The following EYS variants were observed in gnomAD, a reference collection of about 807,000 sequenced individuals.
The protein encoded by EYS is protein eyes shut homolog.
Under a neutral mutation model 282.1 loss-of-function variants are expected in EYS, and 250 were observed. The observed-to-expected ratio is 0.89, with a 90% CI of 0.80 to 0.98. The LOEUF is 0.98. EYS is among the 50% of genes least tolerant of loss of function. The probability of loss-of-function intolerance (pLI) is 0.00; values close to 1 mark genes in which losing one functional copy is unlikely to be tolerated. For synonymous variants in EYS, 1,355 were observed against 1,282.9 expected (o/e 1.06, Z -1.20); for missense variants, 4,016 against 3,709.0 (o/e 1.08, Z -2.15).
At position 63,832,449 on chromosome 6, in the gene EYS, T is replaced by C. The variant is rs144454599; in HGVS notation, c.7229-26077A>G. ...AATACTATAAACACCTCTATGCAAA[T>C]AAACTAGAAAATCTAGAAGAAATGG... On this transcript the variant is annotated intron_variant, in intron 36 of 42. Transcript: ENST00000503581. 4.0e-3 allele frequency among the ~76,000 whole-genome samples: 616 copies of C among 152,232 alleles called. 4 individuals are homozygous for C. Among genetic ancestry groups the C allele is most frequent in the African/African-American group, 0.014 (598 of 41,544 alleles).
At position 63,904,551 on chromosome 6, in the gene EYS, G is replaced by A. The variant is rs6934169; in HGVS notation, c.7056-40193C>T. Among the ~76,000 whole-genome samples the A allele has an allele frequency of 4.1e-3, 627 of 152,272 alleles. 3 individuals are homozygous for A. The highest frequency in any genetic ancestry group is 0.014 in the African/African-American group (567 of 41,554). ...GGAAGTCTTTCAAAATTGATTCAAT[G>A]CTGTAGAAAATGGTGACCTTCCAAA... On this transcript the variant is annotated intron_variant, in intron 35 of 42. Transcript: ENST00000503581.
chr6:65,248,418 TGA>T (rs1309859954), intron 12 of EYS, among the ~76,000 whole-genome samples: 2 of 152,020 alleles, frequency 1.3e-5, no homozygotes, highest in Non-Finnish European at 2.9e-5. Context: ...GTGAGCTTGT[TGA>T]GAGACAGTTC....
chr6:64,383,494 C>T (rs1426954047), intron 29 of EYS, among the ~76,000 whole-genome samples: 1 of 152,142 alleles, frequency 6.6e-6, no homozygotes, highest in African/African-American at 2.4e-5. Flanking sequence ...AATGGTAGTC[C>T]AGCGGAATAA....
chr6:65,705,569 G>A (rs531179222), intron 1 of EYS, among the ~76,000 whole-genome samples: 1 of 152,198 alleles, frequency 6.6e-6, no homozygotes, highest in African/African-American at 2.4e-5. Context: ...CATGGAAAAA[G>A]GGGCATTGTG....
At chr6:65,405,940 G>A (rs1307600010) in intron 5 of EYS, among the ~76,000 whole-genome samples, 1 of 152,030 alleles carries the variant, frequency 6.6e-6, no homozygotes, top group Admixed American at 6.6e-5. Context: ...AATCCCAGGA[G>A]TGGAATTGCT....
intron 2 of EYS, among the ~76,000 whole-genome samples, chr6:65,577,659 T>C (rs998092421): frequency 5.9e-5 from 9 of 151,336 alleles, no homozygotes; most frequent in African/African-American, 2.2e-4. Flanking sequence ...TTGTAGAATA[T>C]ATTAGTAAAC....
At chr6:64,163,558 C>T (rs1363785919) in intron 31 of EYS, among the ~76,000 whole-genome samples, 2 of 151,514 alleles carry the variant, frequency 1.3e-5, no homozygotes, top group African/African-American at 4.9e-5. Flanking sequence ...ACAGTTTGTG[C>T]TTTGAATTTT....
intron 42 of EYS, among the ~76,000 whole-genome samples, chr6:63,723,788 CATTATTATTATTATTATT>C (rs57873412): frequency 6.8e-4 from 94 of 138,170 alleles, no homozygotes; most frequent in African/African-American, 1.3e-3. Context: ...TACACATTGG[CATTATTATTATTATTATT>C]ATTATTATTA....
intron 15 of EYS, among the ~76,000 whole-genome samples, chr6:64,939,359 T>C (rs1157482893): frequency 6.6e-6 from 1 of 151,844 alleles, no homozygotes; most frequent in Non-Finnish European, 1.5e-5. Flanking sequence ...TTTGTCTTAA[T>C]TTAGGTAACA....
intron 33 of EYS, among the ~76,000 whole-genome samples, chr6:64,010,513 G>A (rs958090090): frequency 1.3e-5 from 2 of 152,032 alleles, no homozygotes; most frequent in Non-Finnish European, 2.9e-5. Flanking sequence ...ATACTTTAGA[G>A]TTTTTTCAGG....
At chr6:64,637,526 T>A (rs1768023651) in intron 22 of EYS, among the ~76,000 whole-genome samples, 1 of 87,962 alleles carries the variant, frequency 1.1e-5, no homozygotes. Context: ...CACACCAACA[T>A]GGCACATGTA....
chr6:64,984,835 T>A (rs1228079115), intron 14 of EYS, among the ~76,000 whole-genome samples: 1 of 151,412 alleles, frequency 6.6e-6, no homozygotes, highest in African/African-American at 2.4e-5. Flanking sequence ...GCAAAATCAG[T>A]TTCTTGTAAC....
At chr6:65,459,885 C>T (rs1263267553) in intron 5 of EYS, among the ~76,000 whole-genome samples, 1 of 148,006 alleles carries the variant, frequency 6.8e-6, no homozygotes, top group Non-Finnish European at 1.5e-5. Flanking sequence ...CAGAAATTAC[C>T]TAAACTAAAA....
At chr6:65,628,192 C>T (rs1016428954) in intron 2 of EYS, among the ~76,000 whole-genome samples, 2 of 152,040 alleles carry the variant, frequency 1.3e-5, no homozygotes, top group African/African-American at 4.8e-5. Context: ...CAATCAGCAC[C>T]CTGTGTTTAG....
At chr6:64,925,270 C>A (rs35677940) in intron 15 of EYS, among the ~76,000 whole-genome samples, 1,691 of 152,276 alleles carry the variant, frequency 0.011, 16 homozygotes, top group Non-Finnish European at 0.017. Context: ...GCGGGAAAGA[C>A]CAGACCTCAT....
intron 12 of EYS, among the ~76,000 whole-genome samples, chr6:65,063,114 T>C (rs1773627925): frequency 6.6e-6 from 1 of 151,922 alleles, no homozygotes; most frequent in Admixed American, 6.6e-5. Context: ...AATGCAACTG[T>C]TTATATAAAA....
At chr6:63,773,615 T>C (rs781519085) in intron 40 of EYS, among the ~76,000 whole-genome samples, 39 of 152,304 alleles carry the variant, frequency 2.6e-4, no homozygotes, top group Middle Eastern at 3.4e-3. Context: ...AGGAAACATT[T>C]TGAGCAGGAA....
intron 31 of EYS, among the ~76,000 whole-genome samples, chr6:64,114,813 A>C (rs1295219699): frequency 6.6e-6 from 1 of 152,082 alleles, no homozygotes; most frequent in African/African-American, 2.4e-5. Flanking sequence ...TTTGCCACTG[A>C]CGTAACCAAG....
chr6:64,921,518 T>C (rs1768346266), intron 15 of EYS, among the ~76,000 whole-genome samples: 1 of 152,162 alleles, frequency 6.6e-6, no homozygotes, highest in Admixed American at 6.5e-5. Flanking sequence ...AGGGGTTATG[T>C]GGAAAGTTTA....
Sources: gnomAD v4.1 joint callset for allele counts (sites outside exome capture counted in the v4.1 genomes callset) on GRCh38, gnomAD v4.1.1 for gene constraint, MANE v1.5 for transcripts, NCBI Gene and HGNC (gene_info 2026-07-23, HGNC 2026-07-21) for gene names.